EDDM3A: variants seen among roughly 807,000 people sequenced by gnomAD.
EDDM3A encodes epididymal protein 3A.
For synonymous variants in EDDM3A, 75 were observed against 60.4 expected, an observed-to-expected ratio of 1.24 and a Z score of -1.12; for missense variants, 199 against 177.4, an observed-to-expected ratio of 1.12 and a Z score of -0.69.
At chr14:20,743,626 T>A (rs1397505541), upstream of EDDM3A, among the ~76,000 whole-genome samples, 1 of 148,170 alleles carries the variant, frequency 6.7e-6, no homozygotes, top group African/African-American at 2.7e-5. Context: ...AACATAATTT[T>A]CAAGTGATTT....
At chr14:20,740,259 A>G in the EDDM3A span, among the ~76,000 whole-genome samples, 1 of 152,222 alleles carries the variant, frequency 6.6e-6, no homozygotes, top group Non-Finnish European at 1.5e-5. Context: ...TATTATGGTT[A>G]AAGTTTAGTG....
the EDDM3A span, among the ~76,000 whole-genome samples, chr14:20,740,824 A>ACAAGATGCAGGAATGG: frequency 2.6e-5 from 4 of 152,116 alleles, no homozygotes; most frequent in Non-Finnish European, 5.9e-5. Context: ...GCCAGGAATG[A>ACAAGATGCAGGAATGG]CAAGATGCAG....
rs201704562 is a variant in EDDM3A, at chr14:20,747,984, A to T, written c.404A>T (p.Asn135Ile). 1.5e-4 allele frequency: 239 copies of T among 1,612,100 alleles called. 5 individuals carry two copies. In the East Asian group the frequency reaches 5.0e-3, roughly 34 times the overall value. The change falls in exon 2 of 2, where the codon AAC (asparagine) becomes ATC (isoleucine). Residue 135 changes from asparagine to isoleucine, a missense_variant. Transcript: ENST00000326842. ...TGTGGCGTAGATGGATATGTTGATA[A>T]CATAGAAGACCTGAGGATTATAGAA... Reference protein sequence around the residue: ...FHCGVDGYVDNIEDLRIIEPI... With the variant: ...FHCGVDGYVDIIEDLRIIEPI...
chr14:20,748,028 G>A lies in EDDM3A; in HGVS notation c.*4G>A, dbSNP rs1200418209. The A allele has an allele frequency of 6.3e-7, 1 of 1,586,192 alleles. No individual in the cohort carries two copies. Among genetic ancestry groups the A allele is most frequent in the African/African-American group, 1.4e-5 (1 of 73,720 alleles). On this transcript the variant is annotated 3_prime_UTR_variant, in exon 2 of 2. Transcript: ENST00000326842. ...TATAGAACCTATCAGCAACTAGAAA[G>A]TCTATGCACATCCTCAGATATTGGT... is the stretch of plus-strand genomic sequence containing the variant.
At chr14:20,743,468 T>A (rs780540235), upstream of EDDM3A, among the ~76,000 whole-genome samples, 7 of 150,236 alleles carry the variant, frequency 4.7e-5, no homozygotes, top group Non-Finnish European at 7.3e-5. Flanking sequence ...GAGAATCACT[T>A]GAACCCAGGA....
the EDDM3A span, among the ~76,000 whole-genome samples, chr14:20,740,113 C>G: frequency 7.9e-5 from 12 of 152,198 alleles, no homozygotes; most frequent in Non-Finnish European, 1.8e-4. Context: ...AAACCCTACC[C>G]TAAACCTCTT....
the EDDM3A span, among the ~76,000 whole-genome samples, chr14:20,736,008 C>A: frequency 6.6e-6 from 1 of 152,144 alleles, no homozygotes; most frequent in African/African-American, 2.4e-5. Context: ...TTTCACACAA[C>A]AATGCAGGTA....
upstream of EDDM3A, among the ~76,000 whole-genome samples, chr14:20,742,352 T>C (rs180791494): frequency 1.4e-4 from 21 of 152,380 alleles, no homozygotes; most frequent in Admixed American, 1.4e-3. Flanking sequence ...TTTTGTTGTC[T>C]GATTTCCTCC....
chr14:20,737,573 G>A, the EDDM3A span, among the ~76,000 whole-genome samples: 5 of 152,212 alleles, frequency 3.3e-5, no homozygotes, highest in Admixed American at 6.5e-5. Context: ...CATGTTTGCC[G>A]GGCTAAGGTG....
chr14:20,741,935 C>T (rs1287971499), upstream of EDDM3A, among the ~76,000 whole-genome samples: 2 of 152,194 alleles, frequency 1.3e-5, no homozygotes, highest in African/African-American at 4.8e-5. Context: ...TTAGAGGAGA[C>T]CCTAAAAGAA....
the EDDM3A span, among the ~76,000 whole-genome samples, chr14:20,738,071 T>C: frequency 8.5e-5 from 13 of 152,344 alleles, no homozygotes; most frequent in Admixed American, 2.6e-4. Flanking sequence ...TTGGTCATCA[T>C]GTTCCAAATG....
intron 1 of EDDM3A, among the ~76,000 whole-genome samples, chr14:20,746,672 C>T (rs1468335121): frequency 3.9e-5 from 6 of 152,024 alleles, no homozygotes; most frequent in Admixed American, 3.3e-4. Context: ...GAAGGGATGC[C>T]GATAGTTAAT....
At chr14:20,736,514 G>C in the EDDM3A span, among the ~76,000 whole-genome samples, 142 of 152,060 alleles carry the variant, frequency 9.3e-4, no homozygotes, top group East Asian at 0.022. Context: ...TCAGTTTCTT[G>C]GGTAAAGGCA....
At chr14:20,740,199 T>C in the EDDM3A span, among the ~76,000 whole-genome samples, 1 of 152,252 alleles carries the variant, frequency 6.6e-6, no homozygotes, top group Non-Finnish European at 1.5e-5. Context: ...TCTCTGCTGC[T>C]ATCACCATTA....
upstream of EDDM3A, among the ~76,000 whole-genome samples, chr14:20,743,375 C>T (rs1354320846): frequency 3.9e-5 from 6 of 152,082 alleles, no homozygotes; most frequent in Admixed American, 6.5e-5. Context: ...CATGGCAAAA[C>T]CCTGTTTCTA....
At chr14:20,747,433 T>A in intron 1 of EDDM3A, 122 bp from the exon 2 acceptor site, 1 of 621,874 alleles carries the variant, frequency 1.6e-6, no homozygotes, top group Non-Finnish European at 2.8e-6. Context: ...CATCATCTTC[T>A]AATATGGAAC....
At chr14:20,737,054 C>CTT in the EDDM3A span, among the ~76,000 whole-genome samples, 6,636 of 109,882 alleles carry the variant, frequency 0.06, 243 homozygotes, top group Middle Eastern at 0.16. Flanking sequence ...TTTCTTTTTC[C>CTT]TTTTTTTTTT....
chr14:20,736,075 C>T, the EDDM3A span, among the ~76,000 whole-genome samples: 1 of 151,720 alleles, frequency 6.6e-6, no homozygotes, highest in African/African-American at 2.4e-5. Context: ...TTGGTTACAG[C>T]TGCCTAGTAT....
the EDDM3A span, among the ~76,000 whole-genome samples, chr14:20,737,131 G>A: frequency 4.3e-3 from 639 of 147,486 alleles, 8 homozygotes; most frequent in African/African-American, 0.016. Context: ...TCGGCTCACT[G>A]TAACCTCTGC....
Sources: gnomAD v4.1 joint callset for allele counts (sites outside exome capture counted in the v4.1 genomes callset) on GRCh38, gnomAD v4.1.1 for gene constraint, MANE v1.5 for transcripts, NCBI Gene and HGNC (gene_info 2026-07-23, HGNC 2026-07-21) for gene names.